The following RACGAP1 variants were observed in gnomAD, a reference collection of about 807,000 sequenced individuals.
The protein encoded by RACGAP1 is rac GTPase-activating protein 1.
A neutral mutation model predicts 78.1 loss-of-function variants in RACGAP1; 30 were observed. The ratio of observed to expected loss-of-function variants is 0.38; its 90% confidence interval spans 0.29 to 0.52. The LOEUF (loss-of-function observed/expected upper bound fraction) is 0.52. Among genes scored for constraint, RACGAP1 ranks in the 20% least tolerant of loss-of-function variants. The pLI is 0.82. For synonymous variants in RACGAP1, 231 were observed against 264.8 expected (o/e 0.87, Z 1.24); for missense variants, 587 against 777.1 (o/e 0.76, Z 2.91).
At chr12:50,032,548 T>C (rs1317906453) in intron 1 of RACGAP1, among the ~76,000 whole-genome samples, 1 of 151,766 alleles carries the variant, frequency 6.6e-6, no homozygotes, top group Non-Finnish European at 1.5e-5. Context: ...TGTGTGTGTG[T>C]GTGTGTGTGT....
chr12:49,996,651 AAAAAAAAAAAAAAAAAAT>A lies in RACGAP1; in HGVS notation c.1044+371_1044+388del, dbSNP rs1346297753. Reference sequence around the variant, plus strand: ...GCTAAAAAAAAAAAAAAAAAAAAAAAAAAAAAAAAAAAAAAAATGGACACAAGTTAGTAATCATGGAAG... The same window carrying A: ...GCTAAAAAAAAAAAAAAAAAAAAAAAGGACACAAGTTAGTAATCATGGAAG... On this transcript the variant is annotated intron_variant, in intron 10 of 16. Transcript: ENST00000312377. 2.0e-3 allele frequency among the ~76,000 whole-genome samples: 297 copies of A among 145,142 alleles called. 5 individuals are homozygous for A. Among genetic ancestry groups the A allele is most frequent in the African/African-American group, 7.1e-3 (276 of 38,864 alleles).
At chr12:50,029,081 C>T (rs539267434), upstream of RACGAP1, among the ~76,000 whole-genome samples, 5 of 151,486 alleles carry the variant, frequency 3.3e-5, no homozygotes, top group East Asian at 3.9e-4. Flanking sequence ...CCAGGCGTGG[C>T]GGCGTGCGCC....
intron 2 of RACGAP1, among the ~76,000 whole-genome samples, chr12:50,030,907 G>A (rs944015433): frequency 1.2e-4 from 18 of 151,004 alleles, no homozygotes; most frequent in African/African-American, 3.6e-4. Flanking sequence ...AGCCTCCAGA[G>A]TAGCTGGGAT....
At chr12:49,994,027 G>A (rs931348134) in intron 12 of RACGAP1, 104 bp downstream of exon 12, 2 of 1,149,516 alleles carry the variant, frequency 1.7e-6, no homozygotes, top group South Asian at 1.7e-5. Flanking sequence ...CTGGGCGAGA[G>A]TGAGACTCTG....
intron 2 of RACGAP1, among the ~76,000 whole-genome samples, chr12:50,008,638 G>A (rs762130740): frequency 4.6e-5 from 7 of 151,822 alleles, no homozygotes; most frequent in Non-Finnish European, 8.8e-5. Context: ...GACTACAGGC[G>A]TGTGCCATCA....
At chr12:50,004,451 C>G in intron 4 of RACGAP1, 147 bp from the exon 5 acceptor site, 1 of 1,332,656 alleles carries the variant, frequency 7.5e-7, no homozygotes, top group Non-Finnish European at 9.9e-7. Context: ...AATCTCAAAC[C>G]CTGTGGTAGG....
Position 49,990,194 on chromosome 12 carries a change from G to T in RACGAP1, c.*74C>A. 1 of 1,276,744 alleles carries T rather than the reference G, an allele frequency of 7.8e-7. No homozygotes were observed. The highest frequency in any genetic ancestry group is 2.3e-5 in the East Asian group (1 of 42,798). The allele number at this position is 1,276,744 out of a possible 1,614,324, so 79.1% of individuals were successfully genotyped here. Reference sequence around the variant, plus strand: ...GCTAAAAGTAGTAATGAGTACAGGAGGCTGCAGAGCAGAGTACAGATGTGT... The same window carrying T: ...GCTAAAAGTAGTAATGAGTACAGGATGCTGCAGAGCAGAGTACAGATGTGT... On this transcript the variant is annotated 3_prime_UTR_variant, in exon 17 of 17. Coordinates refer to ENST00000312377, the MANE Select transcript of RACGAP1 (RefSeq NM_001319999.2).
chr12:50,000,360 C>G (rs1466789582), intron 7 of RACGAP1, among the ~76,000 whole-genome samples: 1 of 151,760 alleles, frequency 6.6e-6, no homozygotes, highest in Non-Finnish European at 1.5e-5. Flanking sequence ...CCATGTTGAC[C>G]AGGCTGGTCT....
At chr12:50,029,499 G>A (rs1023333340), upstream of RACGAP1, among the ~76,000 whole-genome samples, 17 of 152,132 alleles carry the variant, frequency 1.1e-4, no homozygotes, top group East Asian at 7.7e-4. Context: ...TCTTGAACCC[G>A]GGAGACGGAG....
Position 50,005,405 on chromosome 12 carries a change from G to C in RACGAP1, c.289-13C>G. On this transcript the variant is annotated splice_polypyrimidine_tract_variant and intron_variant, in intron 3 of 16. Transcript: ENST00000312377. Reference sequence around the variant, plus strand: ...GAATCTGTCGTTCCTACAGACCAAAGCAAAGTAAAACATCATAACTAGCCA... The same window carrying C: ...GAATCTGTCGTTCCTACAGACCAAACCAAAGTAAAACATCATAACTAGCCA... 1 of 1,613,704 alleles carries C rather than the reference G, an allele frequency of 6.2e-7. No individual in the cohort carries two copies. The highest frequency in any genetic ancestry group is 1.1e-5 in the South Asian group (1 of 91,060).
chr12:50,004,889 T>C (rs536759922), intron 4 of RACGAP1, among the ~76,000 whole-genome samples: 2 of 152,330 alleles, frequency 1.3e-5, no homozygotes, highest in East Asian at 3.9e-4. Context: ...CACAGAGGCC[T>C]TTCTAAACCA....
intron 8 of RACGAP1, 107 bp from the exon 9 acceptor site, chr12:49,999,378 AAAAG>A: frequency 7.2e-7 from 1 of 1,385,756 alleles, no homozygotes; most frequent in Non-Finnish European, 9.8e-7. Context: ...TATCATAGCC[AAAAG>A]TGAGAACTAA....
chr12:50,016,808 T>C, intron 1 of RACGAP1, 89 bp from the exon 2 acceptor site: 2 of 1,423,132 alleles, frequency 1.4e-6, no homozygotes, highest in South Asian at 1.3e-5. Context: ...GTGACCAACA[T>C]CTGGACTCTT....
chr12:49,990,183 T>G lies in RACGAP1; in HGVS notation c.*85A>C. The G allele has an allele frequency of 7.2e-6, 8 of 1,109,112 alleles. No individual in the cohort carries two copies. The highest frequency in any genetic ancestry group is 1.5e-5 in the African/African-American group (1 of 64,586). 68.7% of individuals were successfully genotyped at this position (1,109,112 alleles called of 1,614,324 possible). A position where few individuals can be genotyped will look rare whatever the true frequency, so the allele number is the denominator to read the frequency against. ...GCCTGGAGAATGCTAAAAGTAGTAA[T>G]GAGTACAGGAGGCTGCAGAGCAGAG... On this transcript the variant is annotated 3_prime_UTR_variant, in exon 17 of 17. Coordinates refer to ENST00000312377, the MANE Select transcript of RACGAP1 (RefSeq NM_001319999.2).
In RACGAP1 at chr12:50,002,242, C is replaced by T; in HGVS notation, c.549+5G>A. 3 of 1,612,710 alleles carry T rather than the reference C, an allele frequency of 1.9e-6. No homozygotes were observed. Among genetic ancestry groups the T allele is most frequent in the Non-Finnish European group, 2.5e-6 (3 of 1,179,262 alleles). On this transcript the variant is annotated splice_donor_5th_base_variant and intron_variant, in intron 6 of 16. Coordinates refer to ENST00000312377, the MANE Select transcript of RACGAP1 (RefSeq NM_001319999.2). ...TTAAAAAAAGACTAAACAAATCATA[C>T]ATACCCTCTTTTCTCTCTTCTTCAG...
chr12:50,016,599 T>G, intron 2 of RACGAP1, 32 bp downstream of exon 2: 1 of 1,587,772 alleles, frequency 6.3e-7, no homozygotes, highest in Non-Finnish European at 8.6e-7. Context: ...AATCTGTTTT[T>G]CCTTTGGACA....
chr12:50,027,314 G>A (rs1036947160), upstream of RACGAP1, among the ~76,000 whole-genome samples: 26 of 152,210 alleles, frequency 1.7e-4, no homozygotes, highest in African/African-American at 6.0e-4. Context: ...ATAATAAAAT[G>A]AAATAAGTAG....
chr12:49,994,398 T>C lies in RACGAP1; in HGVS notation c.1140+16A>G. Reference sequence around the variant, plus strand: ...CACAAATAACAAATTCACCATCTCCTACAGTTGACTCTTACCTCAGTCAGA... The same window carrying C: ...CACAAATAACAAATTCACCATCTCCCACAGTTGACTCTTACCTCAGTCAGA... On this transcript the variant is annotated intron_variant, in intron 11 of 16. Transcript: ENST00000312377. 6.2e-7 allele frequency: 1 copy of C among 1,613,486 alleles called. No individual in the cohort carries two copies.
chr12:50,005,434 G>T, intron 3 of RACGAP1, 42 bp from the exon 4 acceptor site: 1 of 1,607,374 alleles, frequency 6.2e-7, no homozygotes. Flanking sequence ...CTAGCCAGGG[G>T]AGAAAGCTTC....
Sources: gnomAD v4.1 joint callset for allele counts (sites outside exome capture counted in the v4.1 genomes callset) on GRCh38, gnomAD v4.1.1 for gene constraint, MANE v1.5 for transcripts, NCBI Gene and HGNC (gene_info 2026-07-23, HGNC 2026-07-21) for gene names.